SLC15A5: variants seen among roughly 807,000 people sequenced by gnomAD.
SLC15A5 encodes Peptide/histidine transporter ENSP00000340402.
Under a neutral mutation model 56.1 loss-of-function variants are expected in SLC15A5, and 58 were observed. The observed-to-expected ratio is 1.03, with a 90% confidence interval of 0.84 to 1.29. SLC15A5 has a LOEUF of 1.29. Ranked by LOEUF, SLC15A5 falls within the 50% of genes most tolerant of loss-of-function variation. The pLI is 0.00. For synonymous variants in SLC15A5, 264 were observed against 250.5 expected (o/e 1.05, Z -0.51); for missense variants, 681 against 672.1 (o/e 1.01, Z -0.15).
chr12:16,277,577 C>A lies in SLC15A5; in HGVS notation c.109G>T (p.Val37Leu). The A allele has an allele frequency of 6.5e-7, 1 of 1,536,468 alleles. No individual in the cohort carries two copies. Among genetic ancestry groups the A allele is most frequent in the Non-Finnish European group, 8.7e-7 (1 of 1,146,396 alleles). The change falls in exon 1 of 9, where the codon GTG (valine) becomes TTG (leucine). Residue 37 changes from valine to leucine, a missense_variant. Transcript: ENST00000344941. ...HIGDLCSSHS[V>L]KKIQVGICLL... ...CAGATTCCAACCTGAATTTTTTTCA[C>A]AGAGTGTGAGGAACACAAATCGCCA...
intron 7 of SLC15A5, among the ~76,000 whole-genome samples, chr12:16,211,377 A>G (rs1864078769): frequency 6.6e-6 from 1 of 152,324 alleles, no homozygotes; most frequent in Non-Finnish European, 1.5e-5. Flanking sequence ...TTTTTAATTT[A>G]AGAGAATCTT....
intron 3 of SLC15A5, among the ~76,000 whole-genome samples, chr12:16,257,182 A>G (rs1864585038): frequency 6.6e-6 from 1 of 152,100 alleles, no homozygotes; most frequent in Non-Finnish European, 1.5e-5. Context: ...TTTCAAATGG[A>G]ATTTAACTTT....
chr12:16,272,019 A>C (rs1014231797), intron 2 of SLC15A5, among the ~76,000 whole-genome samples: 1 of 152,170 alleles, frequency 6.6e-6, no homozygotes, highest in African/African-American at 2.4e-5. Flanking sequence ...TTCTCTCTGC[A>C]TTGGCCTAGA....
intron 5 of SLC15A5, among the ~76,000 whole-genome samples, chr12:16,232,032 A>G: frequency 6.6e-6 from 1 of 152,246 alleles, no homozygotes; most frequent in Non-Finnish European, 1.5e-5. Flanking sequence ...CATCCTGAGT[A>G]ATACTATTAT....
intron 7 of SLC15A5, among the ~76,000 whole-genome samples, chr12:16,212,059 A>C (rs1864087189): frequency 6.6e-6 from 1 of 152,170 alleles, no homozygotes; most frequent in African/African-American, 2.4e-5. Flanking sequence ...GGTTGAAAAT[A>C]TCCTATATAC....
intron 3 of SLC15A5, among the ~76,000 whole-genome samples, chr12:16,247,946 T>C (rs575159608): frequency 6.6e-6 from 1 of 152,146 alleles, no homozygotes; most frequent in East Asian, 1.9e-4. Flanking sequence ...AGGCAAGAGA[T>C]AGTGGTGACC....
intron 5 of SLC15A5, among the ~76,000 whole-genome samples, chr12:16,225,120 T>G (rs1310296348): frequency 1.3e-5 from 2 of 152,178 alleles, no homozygotes; most frequent in Non-Finnish European, 2.9e-5. Context: ...CTTAATCCAG[T>G]CTATCATTGT....
chr12:16,250,583 G>A (rs529739380), intron 3 of SLC15A5, among the ~76,000 whole-genome samples: 22 of 152,072 alleles, frequency 1.4e-4, no homozygotes, highest in African/African-American at 5.3e-4. Context: ...AACTCCAGAA[G>A]TGCAAGCGAA....
intron 7 of SLC15A5, among the ~76,000 whole-genome samples, chr12:16,204,221 C>T (rs1863991214): frequency 1.3e-5 from 2 of 151,870 alleles, no homozygotes; most frequent in Admixed American, 6.6e-5. Context: ...TTTGGGAAGC[C>T]AAAGTGGGCT....
chr12:16,219,342 G>A (rs989932752), intron 6 of SLC15A5, among the ~76,000 whole-genome samples: 1 of 152,166 alleles, frequency 6.6e-6, no homozygotes, highest in African/African-American at 2.4e-5. Context: ...ATGGGAATAT[G>A]AGAGGAAGCC....
At chr12:16,223,323 A>ATAT (rs1374802845) in intron 6 of SLC15A5, among the ~76,000 whole-genome samples, 2 of 152,146 alleles carry the variant, frequency 1.3e-5, no homozygotes, top group East Asian at 3.9e-4. Flanking sequence ...AGTTATAAAA[A>ATAT]TATTATCCAT....
intron 5 of SLC15A5, among the ~76,000 whole-genome samples, chr12:16,232,429 A>G (rs1864307702): frequency 6.6e-6 from 1 of 152,160 alleles, no homozygotes; most frequent in Admixed American, 6.5e-5. Context: ...TACAAAGAAA[A>G]TGGAAGAAAG....
intron 4 of SLC15A5, among the ~76,000 whole-genome samples, chr12:16,241,776 A>T (rs1470305659): frequency 6.6e-6 from 1 of 152,334 alleles, no homozygotes; most frequent in African/African-American, 2.4e-5. Flanking sequence ...AATGAGAATT[A>T]TTGTTAATAG....
intron 4 of SLC15A5, among the ~76,000 whole-genome samples, chr12:16,242,143 G>C (rs1864419786): frequency 6.6e-6 from 1 of 152,044 alleles, no homozygotes; most frequent in African/African-American, 2.4e-5. Context: ...GTCAATAATG[G>C]CTACTAAATT....
intron 7 of SLC15A5, among the ~76,000 whole-genome samples, chr12:16,203,679 G>A (rs1334065886): frequency 2.0e-5 from 3 of 152,184 alleles, no homozygotes; most frequent in African/African-American, 7.2e-5. Context: ...TGATGTGACT[G>A]TCTTCTGGTA....
chr12:16,240,445 A>G (rs1202947712), intron 4 of SLC15A5, among the ~76,000 whole-genome samples: 3 of 151,392 alleles, frequency 2.0e-5, no homozygotes, highest in African/African-American at 7.2e-5. Flanking sequence ...ACTAAGTAAC[A>G]GGGGGAGGAA....
chr12:16,269,870 G>A lies in SLC15A5; in HGVS notation c.584+2691C>T, dbSNP rs909820843. Among the ~76,000 whole-genome samples, 4 of 152,176 alleles carry A rather than the reference G, an allele frequency of 2.6e-5. No individual in the cohort carries two copies. The highest frequency in any genetic ancestry group is 9.7e-5 in the African/African-American group (4 of 41,440). On this transcript the variant is annotated intron_variant, in intron 2 of 8. Coordinates refer to ENST00000344941, the MANE Select transcript of SLC15A5 (RefSeq NM_001170798.1). The surrounding 1 kb of genome is among the most constrained non-coding windows in gnomAD (Gnocchi z 4.7). Reference sequence around the variant, plus strand: ...TAATTGTGGTAGAATTTAAAATTGTGGCCAGGAACAGACTTCATTATCCTC... The same window carrying A: ...TAATTGTGGTAGAATTTAAAATTGTAGCCAGGAACAGACTTCATTATCCTC...
At chr12:16,226,562 T>C (rs919622466) in intron 5 of SLC15A5, among the ~76,000 whole-genome samples, 50 of 152,292 alleles carry the variant, frequency 3.3e-4, no homozygotes, top group African/African-American at 1.2e-3. Flanking sequence ...GTATTATTGG[T>C]CCTCAGTTGT....
intron 1 of SLC15A5, among the ~76,000 whole-genome samples, chr12:16,276,112 G>C (rs1864815743): frequency 6.6e-6 from 1 of 151,958 alleles, no homozygotes; most frequent in South Asian, 2.1e-4. Context: ...AATAATGTCT[G>C]GTACAGAGTA....
Sources: allele counts gnomAD v4.1 joint callset (sites outside exome capture counted in the v4.1 genomes callset), GRCh38; gene constraint gnomAD v4.1.1; non-coding constraint Gnocchi (gnomAD v3.1); transcripts MANE v1.5; gene names NCBI Gene and HGNC (gene_info 2026-07-23, HGNC 2026-07-21).